AUTS2: variants seen among roughly 807,000 people sequenced by gnomAD.
AUTS2 encodes activator of transcription and developmental regulator AUTS2, also known as autism susceptibility gene 2 protein.
In AUTS2, 17 loss-of-function variants were observed where a neutral mutation model predicts 112.4. That is an observed-to-expected ratio of 0.15 (90% CI 0.10 to 0.23). The LOEUF is 0.23. AUTS2 is among the 10% of genes least tolerant of loss of function. The pLI is 1.00. For synonymous variants in AUTS2, 751 were observed against 702.7 expected, an observed-to-expected ratio of 1.07 and a Z score of -1.09; for missense variants, 1,510 against 1,701.6, an observed-to-expected ratio of 0.89 and a Z score of 1.98.
At chr7:70,626,162 C>G (rs1190467815) in intron 5 of AUTS2, among the ~76,000 whole-genome samples, 2 of 151,870 alleles carry the variant, frequency 1.3e-5, no homozygotes. Flanking sequence ...ATCCACCTGC[C>G]TCGGCCTCCC....
intron 4 of AUTS2, among the ~76,000 whole-genome samples, chr7:70,308,916 C>T (rs1157997246): frequency 2.6e-5 from 4 of 152,158 alleles, no homozygotes; most frequent in Admixed American, 2.6e-4. Flanking sequence ...GGGGCATCGC[C>T]TTTCGGGTCT....
At chr7:69,618,023 C>G (rs1793469726) in intron 1 of AUTS2, among the ~76,000 whole-genome samples, 1 of 152,190 alleles carries the variant, frequency 6.6e-6, no homozygotes. Flanking sequence ...CTAACCCTCA[C>G]AACAACTCTG....
intron 5 of AUTS2, among the ~76,000 whole-genome samples, chr7:70,460,964 AGCCC>A (rs1796938951): frequency 6.6e-6 from 1 of 152,106 alleles, no homozygotes; most frequent in Non-Finnish European, 1.5e-5. Context: ...GGCAGGTGTG[AGCCC>A]TGGGTTTGGG....
chr7:70,435,667 G>A (rs577257781), intron 4 of AUTS2, 85 bp from the exon 5 acceptor site: 29 of 1,333,946 alleles, frequency 2.2e-5, no homozygotes, highest in South Asian at 3.9e-5. Context: ...CACTTTTTTT[G>A]TATGGGGGTT....
intron 2 of AUTS2, among the ~76,000 whole-genome samples, chr7:69,933,071 T>C (rs2129544110): frequency 6.6e-6 from 1 of 152,382 alleles, no homozygotes; most frequent in Admixed American, 6.5e-5. Context: ...GTGTGTTCAG[T>C]GTGTAATTAC....
intron 1 of AUTS2, among the ~76,000 whole-genome samples, chr7:69,667,041 A>G (rs1562796934): frequency 6.6e-6 from 1 of 152,188 alleles, no homozygotes; most frequent in Non-Finnish European, 1.5e-5. Context: ...TGAGAAATCC[A>G]AGGTTGAGGG....
intron 6 of AUTS2, among the ~76,000 whole-genome samples, chr7:70,726,180 A>T (rs1453488752): frequency 6.6e-6 from 1 of 152,114 alleles, no homozygotes; most frequent in African/African-American, 2.4e-5. Flanking sequence ...AGATGATAGA[A>T]GATATTTGAC....
chr7:70,413,311 C>A (rs1402010431), intron 4 of AUTS2, among the ~76,000 whole-genome samples: 1 of 152,122 alleles, frequency 6.6e-6, no homozygotes, highest in African/African-American at 2.4e-5. Flanking sequence ...TGTCTTATTC[C>A]TCTATCCTAA....
At chr7:70,349,522 A>G (rs936121685) in intron 4 of AUTS2, among the ~76,000 whole-genome samples, 1 of 152,206 alleles carries the variant, frequency 6.6e-6, no homozygotes, top group Non-Finnish European at 1.5e-5. Flanking sequence ...AATGCTTAAA[A>G]TCTCTGTGCT....
chr7:69,997,946 G>T (rs1799020807), intron 2 of AUTS2, among the ~76,000 whole-genome samples: 1 of 152,318 alleles, frequency 6.6e-6, no homozygotes, highest in African/African-American at 2.4e-5. Flanking sequence ...TATAAACCCA[G>T]GTGTGCTTTG....
At chr7:70,001,241 T>G (rs1161453251) in intron 2 of AUTS2, among the ~76,000 whole-genome samples, 1 of 152,118 alleles carries the variant, frequency 6.6e-6, no homozygotes, top group African/African-American at 2.4e-5. Flanking sequence ...TCTTTCCACT[T>G]TAGTCTCTCG....
At chr7:69,728,226 C>T (rs962624272) in intron 1 of AUTS2, among the ~76,000 whole-genome samples, 15 of 152,240 alleles carry the variant, frequency 9.9e-5, no homozygotes, top group African/African-American at 3.4e-4. Context: ...CCCTGGGGCA[C>T]ATGGAGCCCC....
intron 1 of AUTS2, among the ~76,000 whole-genome samples, chr7:69,638,255 A>G (rs971589561): frequency 6.6e-6 from 1 of 152,122 alleles, no homozygotes. Flanking sequence ...GGCCTCAATC[A>G]GTCCTCCTGC....
At chr7:70,650,793 C>A (rs895718226) in intron 5 of AUTS2, among the ~76,000 whole-genome samples, 6 of 152,236 alleles carry the variant, frequency 3.9e-5, no homozygotes, top group African/African-American at 1.4e-4. Flanking sequence ...GCAAACACAT[C>A]TACACCCTTG....
intron 5 of AUTS2, among the ~76,000 whole-genome samples, chr7:70,503,496 C>G (rs1046966753): frequency 6.8e-6 from 1 of 147,338 alleles, no homozygotes; most frequent in Non-Finnish European, 1.5e-5. Flanking sequence ...ATCCTGGGAA[C>G]AGAGCAAGAC....
rs1045989286 is a variant in AUTS2, at chr7:70,658,178, A to G, written c.691-40391A>G. Among the ~76,000 whole-genome samples the G allele has an allele frequency of 1.3e-5, 2 of 152,284 alleles. 1 individual carries two copies. The highest frequency in any genetic ancestry group is 6.8e-3 in the Middle Eastern group (2 of 294). On this transcript the variant is annotated intron_variant, in intron 5 of 18. Coordinates refer to ENST00000342771, the MANE Select transcript of AUTS2 (RefSeq NM_015570.4). ...AAGCCTAGTTTGATAGGTACCTACT[A>G]TGGACCTGGTGGAGCTCCTTCTTAA...
At chr7:70,154,049 A>T (rs1807604764) in intron 4 of AUTS2, among the ~76,000 whole-genome samples, 1 of 152,184 alleles carries the variant, frequency 6.6e-6, no homozygotes, top group South Asian at 2.1e-4. Context: ...CATCTCAGAT[A>T]TTTACCTCCC....
At chr7:69,827,971 C>T (rs1436377677) in intron 1 of AUTS2, among the ~76,000 whole-genome samples, 1 of 152,196 alleles carries the variant, frequency 6.6e-6, no homozygotes, top group Non-Finnish European at 1.5e-5. Context: ...ACTGCCATGC[C>T]TCAAATCACA....
At chr7:69,863,970 C>A (rs1017416401) in intron 1 of AUTS2, among the ~76,000 whole-genome samples, 5 of 152,226 alleles carry the variant, frequency 3.3e-5, no homozygotes, top group Non-Finnish European at 7.3e-5. Context: ...CTTCCTGTCT[C>A]TCTGACAGAC....
Sources: gnomAD v4.1 joint callset for allele counts (sites outside exome capture counted in the v4.1 genomes callset) on GRCh38, gnomAD v4.1.1 for gene constraint, MANE v1.5 for transcripts, NCBI Gene and HGNC (gene_info 2026-07-23, HGNC 2026-07-21) for gene names.